The following ST3GAL1 variants were observed in gnomAD, a reference collection of about 807,000 sequenced individuals.
ST3GAL1 encodes CMP-N-acetylneuraminate-beta-galactosamide-alpha-2,3-sialyltransferase 1.
ST3GAL1 carries 16 observed loss-of-function variants against 34.1 expected under a neutral mutation model. The ratio of observed to expected loss-of-function variants is 0.47; its 90% CI spans 0.32 to 0.71. ST3GAL1 has a LOEUF of 0.71. ST3GAL1 is among the 30% of genes least tolerant of loss of function. The probability of loss-of-function intolerance (pLI) is 0.04; values close to 1 mark genes in which losing one functional copy is unlikely to be tolerated. For synonymous variants in ST3GAL1, 191 were observed against 184.7 expected, an observed-to-expected ratio of 1.03 and a Z score of -0.28; for missense variants, 353 against 447.4, an observed-to-expected ratio of 0.79 and a Z score of 1.90.
chr8:133,473,823 G>A (rs961948923), intron 5 of ST3GAL1, among the ~76,000 whole-genome samples: 1 of 152,220 alleles, frequency 6.6e-6, no homozygotes, highest in Admixed American at 6.5e-5. Context: ...TGCAATGCAC[G>A]GGGCAGCCCT....
chr8:133,515,378 T>C (rs1386580012), intron 2 of ST3GAL1: 1 of 152,254 alleles, frequency 6.6e-6, no homozygotes, highest in African/African-American at 2.4e-5. Context: ...GTGTTGGAAG[T>C]GGGGCCCTGT....
intron 2 of ST3GAL1, among the ~76,000 whole-genome samples, chr8:133,535,679 G>A (rs1818291019): frequency 6.6e-6 from 1 of 152,114 alleles, no homozygotes; most frequent in African/African-American, 2.4e-5. Flanking sequence ...GGTAGGGGGT[G>A]AATCTCGCTA....
At chr8:133,559,822 CT>C (rs1288473510) in intron 1 of ST3GAL1, among the ~76,000 whole-genome samples, 1 of 152,190 alleles carries the variant, frequency 6.6e-6, no homozygotes, top group Non-Finnish European at 1.5e-5. Context: ...TGATTGCAAA[CT>C]TTGCACTCAG....
At chr8:133,544,905 CCTT>C (rs10532764) in intron 2 of ST3GAL1, among the ~76,000 whole-genome samples, 32,514 of 152,080 alleles carry the variant, frequency 0.21, 3,699 homozygotes, top group South Asian at 0.39. Context: ...CATCAGCCTT[CCTT>C]CTTCTTCTGC....
chr8:133,513,168 C>G (rs1817542276), intron 2 of ST3GAL1, among the ~76,000 whole-genome samples: 1 of 152,222 alleles, frequency 6.6e-6, no homozygotes, highest in East Asian at 1.9e-4. Flanking sequence ...GGGGACACCC[C>G]TCTGGAGTGC....
At chr8:133,547,875 G>A (rs1310129215) in intron 1 of ST3GAL1, among the ~76,000 whole-genome samples, 1 of 152,148 alleles carries the variant, frequency 6.6e-6, no homozygotes, top group Non-Finnish European at 1.5e-5. Flanking sequence ...AGATAATGAG[G>A]GCCAGAAGGC....
At chr8:133,518,580 T>C (rs1265728997) in intron 2 of ST3GAL1, among the ~76,000 whole-genome samples, 1 of 152,170 alleles carries the variant, frequency 6.6e-6, no homozygotes, top group Non-Finnish European at 1.5e-5. Context: ...GACTTCAGGT[T>C]TGCCCAGCAC....
At chr8:133,460,060 G>A (rs1456663401) in intron 9 of ST3GAL1, 123 bp from the exon 10 acceptor site, 3 of 1,026,094 alleles carry the variant, frequency 2.9e-6, no homozygotes, top group East Asian at 5.6e-5. Context: ...CAAGGACTCT[G>A]ACTAACCCTT....
chr8:133,506,400 G>C (rs1386264599), intron 2 of ST3GAL1, among the ~76,000 whole-genome samples: 1 of 152,168 alleles, frequency 6.6e-6, no homozygotes, highest in Admixed American at 6.6e-5. Context: ...AATATTTTTA[G>C]GTATTAAGCA....
At chr8:133,497,675 G>A (rs1235172700) in intron 3 of ST3GAL1, among the ~76,000 whole-genome samples, 1 of 151,928 alleles carries the variant, frequency 6.6e-6, no homozygotes, top group Non-Finnish European at 1.5e-5. Flanking sequence ...GTTTCACCAT[G>A]TTGGCCAGGC....
At position 133,458,291 on chromosome 8, in the gene ST3GAL1, T is replaced by G. The variant is rs536299448; in HGVS notation, c.*1473A>C. ...ACCAACAGAGCCAGGGTGCAAACAA[T>G]GTCAGTTGAATAAAAAAAAGAAATC... On this transcript the variant is annotated 3_prime_UTR_variant, in exon 10 of 10. Transcript: ENST00000522652. 1.8e-4 allele frequency: 27 copies of G among 148,390 alleles called. No individual in the cohort carries two copies. Among genetic ancestry groups the G allele is most frequent in the Admixed American group, 1.1e-3 (17 of 15,016 alleles). The allele number at this position is 148,390 out of a possible 1,614,324, so 9.2% of individuals were successfully genotyped here.
At chr8:133,474,694 C>T (rs2130941448) in intron 5 of ST3GAL1, among the ~76,000 whole-genome samples, 1 of 152,270 alleles carries the variant, frequency 6.6e-6, no homozygotes, top group African/African-American at 2.4e-5. Context: ...ACCCGCTGTC[C>T]CAGACACCTG....
intron 1 of ST3GAL1, among the ~76,000 whole-genome samples, chr8:133,549,122 G>A (rs142950986): frequency 3.2e-4 from 49 of 152,260 alleles, no homozygotes; most frequent in African/African-American, 1.0e-3. Flanking sequence ...AGGCAGTAGC[G>A]GGGCGTGGTG....
chr8:133,472,924 G>T (rs1246215221), intron 5 of ST3GAL1, among the ~76,000 whole-genome samples: 1 of 151,454 alleles, frequency 6.6e-6, no homozygotes, highest in Non-Finnish European at 1.5e-5. Context: ...AAATACAATT[G>T]TTAAAACTAA....
Position 133,458,378 on chromosome 8 carries a change from A to C in ST3GAL1, c.*1386T>G, listed in dbSNP as rs1426099246. On this transcript the variant is annotated 3_prime_UTR_variant, in exon 10 of 10. Coordinates refer to ENST00000522652, the MANE Select transcript of ST3GAL1 (RefSeq NM_173344.3). ...TAGCTGGGGAGTAAGAAGATGAGGT[A>C]TGTGGCAGTTACCATTCCTGGGATG... The C allele has an allele frequency of 1.3e-5, 2 of 152,216 alleles. No individual in the cohort carries two copies. The highest frequency in any genetic ancestry group is 4.8e-5 in the African/African-American group (2 of 41,448). 9.4% of individuals were successfully genotyped at this position (152,216 alleles called of 1,614,324 possible).
chr8:133,560,995 G>A (rs557142001), intron 1 of ST3GAL1, among the ~76,000 whole-genome samples: 24 of 152,246 alleles, frequency 1.6e-4, no homozygotes, highest in Admixed American at 6.5e-5. Context: ...CCAGGTGGAG[G>A]GCAGACAGCC....
At chr8:133,490,316 T>TCG (rs377237242) in intron 3 of ST3GAL1, among the ~76,000 whole-genome samples, 1 of 150,976 alleles carries the variant, frequency 6.6e-6, no homozygotes, top group African/African-American at 2.4e-5. Flanking sequence ...CTGCCGTACC[T>TCG]CACCCAGGTA....
rs1255526434 is a variant in ST3GAL1, at chr8:133,508,913, C to T, written c.-428-9724G>A. On this transcript the variant is annotated intron_variant, in intron 2 of 9. Coordinates refer to ENST00000522652, the MANE Select transcript of ST3GAL1 (RefSeq NM_173344.3). This position sits in a 1 kb window ranked among gnomAD's most constrained non-coding sequence, Gnocchi z 4.1. ...GCAAGTATGAAACTCAAGCTGGCTG[C>T]CCGCTGTGCTTTGAGTAATGAAGTC... Among the ~76,000 whole-genome samples the T allele has an allele frequency of 2.0e-5, 3 of 152,072 alleles. No individual in the cohort carries two copies. Among genetic ancestry groups the T allele is most frequent in the African/African-American group, 7.2e-5 (3 of 41,390 alleles).
chr8:133,504,391 C>T (rs1299070513), intron 2 of ST3GAL1, among the ~76,000 whole-genome samples: 1 of 152,208 alleles, frequency 6.6e-6, no homozygotes, highest in Non-Finnish European at 1.5e-5. Context: ...TTTACCAAAA[C>T]TCAATCCAAT....
Sources: allele counts gnomAD v4.1 joint callset (sites outside exome capture counted in the v4.1 genomes callset), GRCh38; gene constraint gnomAD v4.1.1; non-coding constraint Gnocchi (gnomAD v3.1); transcripts MANE v1.5; gene names NCBI Gene and HGNC (gene_info 2026-07-23, HGNC 2026-07-21).